UPF2: variants seen among roughly 807,000 people sequenced by gnomAD.
UPF2 encodes UPF2 regulator of nonsense mediated mRNA decay.
UPF2 carries 17 observed loss-of-function variants against 141.4 expected under a neutral mutation model. That is an observed-to-expected ratio of 0.12 (90% CI 0.08 to 0.18). The LOEUF (loss-of-function observed/expected upper bound fraction) is 0.18, where lower values mean the gene tolerates loss of function less well. Ranked by LOEUF, UPF2 falls within the 10% of genes least tolerant of loss-of-function variation. The pLI, the probability that UPF2 is intolerant of heterozygous loss-of-function variation, is 1.00. For missense variants in UPF2, 1,152 were observed against 1,515.9 expected (o/e 0.76, Z 3.99); for synonymous variants, 540 against 498.0 (o/e 1.08, Z -1.12).
intron 15 of UPF2, among the ~76,000 whole-genome samples, chr10:11,949,973 T>C: frequency 6.6e-6 from 1 of 151,686 alleles, no homozygotes; most frequent in Non-Finnish European, 1.5e-5. Context: ...AAACAAAAAA[T>C]AAAGCTTTAA....
chr10:11,969,092 C>T (rs1407798983), intron 9 of UPF2, among the ~76,000 whole-genome samples: 1 of 151,656 alleles, frequency 6.6e-6, no homozygotes, highest in African/African-American at 2.4e-5. Flanking sequence ...AAACTCCTGG[C>T]CTCAAGTGAT....
chr10:12,036,586 G>C (rs1834629371), intron 1 of UPF2, among the ~76,000 whole-genome samples: 1 of 152,030 alleles, frequency 6.6e-6, no homozygotes, highest in Non-Finnish European at 1.5e-5. Flanking sequence ...AAGTAACTGT[G>C]GAACAAAAAA....
At chr10:11,996,080 C>G (rs747427682) in intron 8 of UPF2, among the ~76,000 whole-genome samples, 7 of 152,136 alleles carry the variant, frequency 4.6e-5, no homozygotes, top group Non-Finnish European at 1.0e-4. Context: ...AAAGTGTAAG[C>G]TGTATGAATA....
intron 1 of UPF2, among the ~76,000 whole-genome samples, chr10:12,036,785 G>C (rs1834633249): frequency 6.6e-6 from 1 of 152,174 alleles, no homozygotes; most frequent in Non-Finnish European, 1.5e-5. Context: ...CAGCACTTTG[G>C]AAGGCCAAGG....
intron 9 of UPF2, among the ~76,000 whole-genome samples, chr10:11,972,063 CAAA>C (rs58355538): frequency 3.2e-4 from 32 of 100,994 alleles, no homozygotes; most frequent in East Asian, 8.5e-4. Context: ...GACTCTGTCT[CAAA>C]AAAAAAAAAA....
At chr10:11,983,762 G>A (rs1234185114) in intron 8 of UPF2, among the ~76,000 whole-genome samples, 1 of 151,930 alleles carries the variant, frequency 6.6e-6, no homozygotes, top group Non-Finnish European at 1.5e-5. Flanking sequence ...AAGTGAGATT[G>A]GTCAATGCTT....
rs1833336330 is a variant in UPF2 at position 11,967,278 on chromosome 10, C to T, written c.2067+63G>A. 7.5e-6 allele frequency: 7 copies of T among 931,106 alleles called. No homozygotes were observed. In the South Asian group the frequency reaches 8.8e-5, roughly 12 times the overall value. 57.7% of individuals were successfully genotyped at this position (931,106 alleles called of 1,614,324 possible). A position where few individuals can be genotyped will look rare whatever the true frequency, so the allele number is the denominator to read the frequency against. On this transcript the variant is annotated intron_variant, in intron 10 of 21. Transcript: ENST00000357604. ...AAATATTAAATTATTTCACTTTATC[C>T]ACCATTTATAATTAAAACTTTAAAC... is the stretch of plus-strand genomic sequence containing the variant.
chr10:11,936,642 A>C lies in UPF2; in HGVS notation c.3449T>G (p.Leu1150Arg). 6.2e-7 allele frequency: 1 copy of C among 1,613,414 alleles called. No individual in the cohort carries two copies. The highest frequency in any genetic ancestry group is 1.1e-5 in the South Asian group (1 of 90,840). Residue 1150 changes from leucine (L) to arginine (R), a missense_variant, in exon 19 of 22, where the codon CTG becomes CGG. Physicochemically the swap from Leu to Arg is moderately radical, Grantham distance 102. This residue lies in a region of UPF2 where 202 missense variants were observed against 223.6 expected (regional missense o/e 0.90). Transcript: ENST00000357604. This position sits in a 1 kb window ranked among gnomAD's most constrained non-coding sequence, Gnocchi z 6.6. ...VAIPLHLKSQ[L>R]RKGPPLGGGE... is the part of the protein sequence containing the mutation. ...ACCTCCCAGTGGGGGCCCTTTCCTCAGCTGGCTTTTGAGATGCAAAGGAAT... is the reference window on the plus strand; with the variant it reads ...ACCTCCCAGTGGGGGCCCTTTCCTCCGCTGGCTTTTGAGATGCAAAGGAAT...
At chr10:12,032,726 A>C (rs1213213225) in intron 2 of UPF2, among the ~76,000 whole-genome samples, 1 of 151,352 alleles carries the variant, frequency 6.6e-6, no homozygotes, top group East Asian at 1.9e-4. Context: ...TGACAGAGCA[A>C]GACCCTGTCT....
chr10:11,925,171 A>T (rs972323603), intron 21 of UPF2, among the ~76,000 whole-genome samples: 1 of 152,186 alleles, frequency 6.6e-6, no homozygotes, highest in Non-Finnish European at 1.5e-5. Context: ...TAAAGGGTAA[A>T]ATCTCATGTT....
At chr10:11,929,825 T>C in intron 21 of UPF2, 40 bp downstream of exon 21, 3 of 1,602,504 alleles carry the variant, frequency 1.9e-6, no homozygotes, top group Non-Finnish European at 2.6e-6. Flanking sequence ...ATGGACATCA[T>C]GGAAACAAAC....
chr10:11,955,955 G>A (rs761065268), intron 13 of UPF2, among the ~76,000 whole-genome samples: 2 of 151,890 alleles, frequency 1.3e-5, no homozygotes, highest in Non-Finnish European at 2.9e-5. Context: ...CAGCCTGGCC[G>A]ACATGGCAAA....
chr10:12,000,108 A>T, intron 6 of UPF2, 99 bp from the exon 7 acceptor site: 1 of 977,244 alleles, frequency 1.0e-6, no homozygotes, highest in Non-Finnish European at 1.5e-6. Context: ...AATCTAGACC[A>T]ATTTTTGTGC....
At chr10:11,999,437 T>C (rs1473407550) in intron 7 of UPF2, among the ~76,000 whole-genome samples, 1 of 139,638 alleles carries the variant, frequency 7.2e-6, no homozygotes, top group South Asian at 2.2e-4. Context: ...TGCTTGAACC[T>C]GGGAGGTGGA....
intron 3 of UPF2, among the ~76,000 whole-genome samples, chr10:12,022,962 A>C (rs776490599): frequency 3.9e-5 from 6 of 152,156 alleles, no homozygotes; most frequent in Non-Finnish European, 7.4e-5. Context: ...TGCAATCATG[A>C]GGGTACTAAG....
At chr10:11,983,106 G>C (rs992341159) in intron 8 of UPF2, among the ~76,000 whole-genome samples, 3 of 152,128 alleles carry the variant, frequency 2.0e-5, no homozygotes, top group African/African-American at 7.2e-5. Flanking sequence ...TTAGATAAAT[G>C]AATTATCTCT....
intron 9 of UPF2, among the ~76,000 whole-genome samples, chr10:11,970,769 G>A (rs1833403018): frequency 6.6e-6 from 1 of 152,100 alleles, no homozygotes; most frequent in African/African-American, 2.4e-5. Context: ...CTGAGATCAT[G>A]CCACTGCATT....
At chr10:11,938,067 G>A (rs1220544080) in intron 18 of UPF2, among the ~76,000 whole-genome samples, 1 of 152,132 alleles carries the variant, frequency 6.6e-6, no homozygotes, top group Non-Finnish European at 1.5e-5. Flanking sequence ...TAACAATGGA[G>A]TATGTTCTTT....
chr10:11,956,518 C>T lies in UPF2; in HGVS notation c.2376G>A (p.Leu792=). 6.2e-7 allele frequency: 1 copy of T among 1,612,716 alleles called. No individual in the cohort carries two copies. The highest frequency in any genetic ancestry group is 1.3e-5 in the African/African-American group (1 of 74,934). Residue 792 remains leucine (L), a synonymous_variant, in exon 13 of 22, where the codon TTG becomes TTA. Transcript: ENST00000357604. The surrounding 1 kb of genome is among the most constrained non-coding windows in gnomAD (Gnocchi z 4.2). ...DLSKVTTEKV[L]RQMRKLPWQD... ...GCCAGGGCAGCTTTCGCATCTGTCT[C>T]AAAACCTAAAAAAAGAGAATTTTGT...
Sources: gnomAD v4.1 joint callset for allele counts (sites outside exome capture counted in the v4.1 genomes callset) on GRCh38, gnomAD v4.1.1 for gene constraint, gnomAD v4.1.1 regional missense constraint, Gnocchi (gnomAD v3.1) non-coding constraint, MANE v1.5 for transcripts, NCBI Gene and HGNC (gene_info 2026-07-23, HGNC 2026-07-21) for gene names.